CREB5: variants seen among roughly 807,000 people sequenced by gnomAD.
CREB5 encodes the protein cyclic AMP-responsive element-binding protein 5.
A neutral mutation model predicts 57.1 loss-of-function variants in CREB5; 19 were observed. The observed-to-expected ratio is 0.33, with a 90% CI of 0.23 to 0.49. The LOEUF (loss-of-function observed/expected upper bound fraction) is 0.49. Among genes scored for constraint, CREB5 ranks in the 20% least tolerant of loss-of-function variants. The pLI, the probability that CREB5 is intolerant of heterozygous loss-of-function variation, is 0.99. For synonymous variants in CREB5, 238 were observed against 238.3 expected, an observed-to-expected ratio of 1.00 and a Z score of 0.01; for missense variants, 579 against 671.6, an observed-to-expected ratio of 0.86 and a Z score of 1.52.
At chr7:28,686,038 A>C in intron 5 of CREB5, 1 of 1,211,332 alleles carries the variant, frequency 8.3e-7, no homozygotes, top group Non-Finnish European at 1.2e-6. Context: ...GCGCAAAAGA[A>C]GGGCCAGCAC....
intron 7 of CREB5, among the ~76,000 whole-genome samples, chr7:28,733,927 C>A (rs529662859): frequency 3.6e-4 from 55 of 152,264 alleles, no homozygotes; most frequent in African/African-American, 1.3e-3. Context: ...TAATTTAATT[C>A]TACCATTTAA....
chr7:28,308,840 C>T (rs1224428040), intron 1 of CREB5, among the ~76,000 whole-genome samples: 1 of 152,180 alleles, frequency 6.6e-6, no homozygotes, highest in East Asian at 1.9e-4. Context: ...TTTTATATGT[C>T]CATTTGGCTG....
intron 5 of CREB5, among the ~76,000 whole-genome samples, chr7:28,706,092 C>T (rs1016848396): frequency 2.0e-5 from 3 of 152,166 alleles, no homozygotes; most frequent in Non-Finnish European, 4.4e-5. Flanking sequence ...CAGTGGCTTG[C>T]GCCTGTAATC....
chr7:28,635,579 T>C (rs568212042), intron 5 of CREB5, among the ~76,000 whole-genome samples: 2 of 152,364 alleles, frequency 1.3e-5, no homozygotes, highest in African/African-American at 4.8e-5. Context: ...AATCAAAAGA[T>C]GCTAGTCATT....
chr7:28,666,785 A>T (rs1799842427), intron 5 of CREB5, among the ~76,000 whole-genome samples: 1 of 151,876 alleles, frequency 6.6e-6, no homozygotes, highest in Admixed American at 6.6e-5. Flanking sequence ...CTGGGAAAAT[A>T]AAAAATAAAA....
intron 1 of CREB5, among the ~76,000 whole-genome samples, chr7:28,428,346 T>C (rs554924363): frequency 3.3e-5 from 5 of 152,272 alleles, no homozygotes; most frequent in African/African-American, 4.8e-5. Flanking sequence ...GTAGAGCATC[T>C]ATCACTTATA....
intron 1 of CREB5, among the ~76,000 whole-genome samples, chr7:28,450,623 A>C (rs1325385912): frequency 2.0e-5 from 3 of 152,176 alleles, no homozygotes; most frequent in African/African-American, 7.2e-5. Context: ...ACTTGGCTGG[A>C]TCCTCCACCT....
chr7:28,328,941 T>C (rs1428339654), intron 1 of CREB5, among the ~76,000 whole-genome samples: 1 of 152,302 alleles, frequency 6.6e-6, no homozygotes, highest in East Asian at 1.9e-4. Context: ...CAAGTACACT[T>C]TTGGTGAAGC....
chr7:28,785,467 A>G (rs1807267470), intron 7 of CREB5, among the ~76,000 whole-genome samples: 8 of 152,236 alleles, frequency 5.3e-5, no homozygotes, highest in Admixed American at 5.2e-4. Context: ...TGTATGGAGC[A>G]GAACTTTTCA....
chr7:28,326,951 C>T (rs1562658211), intron 1 of CREB5, among the ~76,000 whole-genome samples: 1 of 151,866 alleles, frequency 6.6e-6, no homozygotes, highest in Non-Finnish European at 1.5e-5. Flanking sequence ...AGTTCAAGAC[C>T]AACCTGGCCA....
At chr7:28,304,373 T>C (rs1462169642) in intron 1 of CREB5, among the ~76,000 whole-genome samples, 1 of 152,178 alleles carries the variant, frequency 6.6e-6, no homozygotes, top group Non-Finnish European at 1.5e-5. Flanking sequence ...TGTGGAAAAA[T>C]GTTCTTCACA....
intron 1 of CREB5, among the ~76,000 whole-genome samples, chr7:28,341,641 T>C (rs953177527): frequency 1.8e-4 from 28 of 152,250 alleles, no homozygotes; most frequent in African/African-American, 6.8e-4. Flanking sequence ...TTGTAGTACT[T>C]AGTACAGTGC....
chr7:28,597,914 G>A (rs999089018), intron 5 of CREB5, among the ~76,000 whole-genome samples: 2 of 152,150 alleles, frequency 1.3e-5, no homozygotes, highest in Non-Finnish European at 2.9e-5. Context: ...TTCTGAGAAG[G>A]TAGAAAATGG....
At chr7:28,440,856 G>C (rs1445520572) in intron 1 of CREB5, among the ~76,000 whole-genome samples, 1 of 152,140 alleles carries the variant, frequency 6.6e-6, no homozygotes, top group Non-Finnish European at 1.5e-5. Context: ...GAAATATTTG[G>C]CAGACTGTTA....
chr7:28,677,199 T>C (rs1800360399), intron 5 of CREB5, among the ~76,000 whole-genome samples: 1 of 152,228 alleles, frequency 6.6e-6, no homozygotes, highest in Non-Finnish European at 1.5e-5. Context: ...CGTTATCAAC[T>C]TAATTAATTT....
At chr7:28,394,085 A>G (rs1250391295) in intron 1 of CREB5, among the ~76,000 whole-genome samples, 2 of 71,650 alleles carry the variant, frequency 2.8e-5, no homozygotes, top group African/African-American at 6.6e-5. Flanking sequence ...AAAAAAAAAA[A>G]AAAAAAAAAA....
rs941705552 is a variant in CREB5, at chr7:28,590,565, T to G, written c.464+20028T>G. The stretch of plus-strand genomic sequence containing the variant: ...AGGGGGGAGGGATAGCATTAGGAGA[T>G]ATACCTAATGTAAATGACGAGTTAA... On this transcript the variant is annotated intron_variant, in intron 5 of 10. Transcript: ENST00000357727. Among the ~76,000 whole-genome samples the G allele has an allele frequency of 2.8e-4, 40 of 144,932 alleles. 1 individual carries two copies. In the South Asian group the frequency reaches 9.6e-3, roughly 35 times the overall value.
chr7:28,347,821 G>A (rs1169262929), intron 1 of CREB5, among the ~76,000 whole-genome samples: 2 of 152,140 alleles, frequency 1.3e-5, no homozygotes, highest in Non-Finnish European at 2.9e-5. Context: ...AAAAAACGTG[G>A]TTATTTCATA....
At chr7:28,764,358 G>GT (rs1358111558) in intron 7 of CREB5, among the ~76,000 whole-genome samples, 4 of 75,976 alleles carry the variant, frequency 5.3e-5, no homozygotes, top group Non-Finnish European at 6.5e-5. Context: ...TAATTCTCCT[G>GT]TAAAAAAAAA....
Sources: gnomAD v4.1 joint callset for allele counts (sites outside exome capture counted in the v4.1 genomes callset) on GRCh38, gnomAD v4.1.1 for gene constraint, MANE v1.5 for transcripts, NCBI Gene and HGNC (gene_info 2026-07-23, HGNC 2026-07-21) for gene names.